Variants in TRHDE observed in about 807,000 individuals in gnomAD.
TRHDE encodes thyrotropin-releasing hormone-degrading ectoenzyme.
Under a neutral mutation model 125.7 loss-of-function variants are expected in TRHDE, and 72 were observed. That is an observed-to-expected ratio of 0.57 (90% CI 0.47 to 0.70). The LOEUF (loss-of-function observed/expected upper bound fraction) is 0.70, where lower values mean the gene tolerates loss of function less well. Among genes scored for constraint, TRHDE ranks in the 30% least tolerant of loss-of-function variants. TRHDE has a pLI of 0.00. For missense variants in TRHDE, 1,110 were observed against 1,327.1 expected (o/e 0.84, Z 2.54); for synonymous variants, 509 against 509.1 (o/e 1.00, Z 0.00).
At chr12:72,542,620 A>G (rs1357234277) in intron 7 of TRHDE, among the ~76,000 whole-genome samples, 1 of 151,360 alleles carries the variant, frequency 6.6e-6, no homozygotes, top group Admixed American at 6.6e-5. Context: ...CCAGATTCTA[A>G]ATGTTCTATA....
intron 2 of TRHDE, among the ~76,000 whole-genome samples, chr12:72,320,199 C>T (rs1020403297): frequency 1.3e-5 from 2 of 152,002 alleles, no homozygotes; most frequent in African/African-American, 4.8e-5. Context: ...CATACATATA[C>T]GTACAGCCAT....
At chr12:72,653,661 T>C (rs1364587929) in intron 17 of TRHDE, among the ~76,000 whole-genome samples, 2 of 152,128 alleles carry the variant, frequency 1.3e-5, no homozygotes, top group African/African-American at 4.8e-5. Context: ...TAAAATTTAC[T>C]CCCAGGACAT....
chr12:72,135,837 G>GC (rs1466887743), intron 2 of TRHDE, among the ~76,000 whole-genome samples: 1 of 151,992 alleles, frequency 6.6e-6, no homozygotes, highest in Non-Finnish European at 1.5e-5. Flanking sequence ...CAGATGTGCT[G>GC]CCCCTGTGGC....
At chr12:72,385,156 G>A (rs1191399055) in intron 3 of TRHDE, among the ~76,000 whole-genome samples, 3 of 151,834 alleles carry the variant, frequency 2.0e-5, no homozygotes, top group Admixed American at 2.0e-4. Flanking sequence ...AATCTCTGAG[G>A]GTTCTTTATA....
At chr12:72,264,026 G>A (rs1879011168) in intron 2 of TRHDE, 1 of 151,838 alleles carries the variant, frequency 6.6e-6, no homozygotes, top group Admixed American at 6.6e-5. Flanking sequence ...CCATAAATGC[G>A]ATTTAAAAAT....
chr12:72,320,746 G>A (rs1199716822), intron 2 of TRHDE, among the ~76,000 whole-genome samples: 1 of 152,158 alleles, frequency 6.6e-6, no homozygotes, highest in Admixed American at 6.5e-5. Context: ...ATATGACAGA[G>A]TATATTAGGT....
At chr12:72,292,747 G>A (rs897066609) in intron 2 of TRHDE, among the ~76,000 whole-genome samples, 1 of 152,142 alleles carries the variant, frequency 6.6e-6, no homozygotes, top group African/African-American at 2.4e-5. Context: ...TCCTAGTCTA[G>A]TCCCAAAGTC....
chr12:72,107,906 G>A (rs1216753836), intron 2 of TRHDE, among the ~76,000 whole-genome samples: 1 of 152,074 alleles, frequency 6.6e-6, no homozygotes. Context: ...TGGTTTAAAG[G>A]ACTGTATACT....
intron 2 of TRHDE, among the ~76,000 whole-genome samples, chr12:72,186,780 T>C (rs998909211): frequency 1.3e-5 from 2 of 151,864 alleles, no homozygotes; most frequent in Non-Finnish European, 2.9e-5. Context: ...TAGACATGGA[T>C]CTTTTTTTTT....
intron 2 of TRHDE, among the ~76,000 whole-genome samples, chr12:72,109,523 A>G (rs1875268119): frequency 6.6e-6 from 1 of 152,150 alleles, no homozygotes; most frequent in Non-Finnish European, 1.5e-5. Flanking sequence ...ACTAACAACT[A>G]GGCTCCTACT....
intron 15 of TRHDE, among the ~76,000 whole-genome samples, chr12:72,629,714 G>A (rs565614303): frequency 9.2e-5 from 14 of 151,660 alleles, no homozygotes; most frequent in South Asian, 6.2e-4. Flanking sequence ...GACAGATTGC[G>A]TATAAAACTC....
At chr12:72,279,752 C>T (rs1879624565) in intron 1 of TRHDE, among the ~76,000 whole-genome samples, 1 of 152,102 alleles carries the variant, frequency 6.6e-6, no homozygotes, top group Non-Finnish European at 1.5e-5. Context: ...CCTTCTTTGC[C>T]TCCAAGCTTC....
intron 2 of TRHDE, among the ~76,000 whole-genome samples, chr12:72,185,349 C>A (rs1252319066): frequency 6.6e-6 from 1 of 152,230 alleles, no homozygotes. Context: ...GGCTCCTGTG[C>A]CGCCCTAGCC....
At chr12:72,100,595 CT>C (rs571011961) in intron 1 of TRHDE, among the ~76,000 whole-genome samples, 60 of 152,334 alleles carry the variant, frequency 3.9e-4, no homozygotes, top group African/African-American at 1.3e-3. Context: ...ATCCCTTCTA[CT>C]TCCTCTGAGG....
At chr12:72,643,780 G>A (rs986629719) in intron 15 of TRHDE, among the ~76,000 whole-genome samples, 45 of 151,974 alleles carry the variant, frequency 3.0e-4, no homozygotes, top group African/African-American at 1.1e-3. Context: ...CTTCAATGCT[G>A]GTGAACAGAA....
At chr12:72,538,005 G>A (rs1314315093) in intron 6 of TRHDE, among the ~76,000 whole-genome samples, 1 of 151,888 alleles carries the variant, frequency 6.6e-6, no homozygotes, top group Non-Finnish European at 1.5e-5. Flanking sequence ...TCTTTCCCAA[G>A]ATTAATCTAA....
At chr12:72,163,162 C>T (rs930855904) in intron 2 of TRHDE, 2 of 152,050 alleles carry the variant, frequency 1.3e-5, no homozygotes, top group African/African-American at 4.8e-5. Context: ...GAAAACATTG[C>T]CTTAGAATGA....
chr12:72,131,281 C>A lies in TRHDE; in HGVS notation n.279+25529C>A, dbSNP rs1370243279. Among the ~76,000 whole-genome samples the A allele has an allele frequency of 7.2e-4, 109 of 151,772 alleles. 1 individual carries two copies. The highest frequency in any genetic ancestry group is 2.9e-5 in the Non-Finnish European group (2 of 67,876). Reference sequence around the variant, plus strand: ...TAGAGACGGGGTTTCACCGTGTTCTCCAGGATGGTCTCCATCTCCTGACCT... The same window carrying A: ...TAGAGACGGGGTTTCACCGTGTTCTACAGGATGGTCTCCATCTCCTGACCT... On this transcript the variant is annotated intron_variant and non_coding_transcript_variant, in intron 2 of 4. Transcript: ENST00000548156.
chr12:72,267,058 T>C (rs1224705072), intron 2 of TRHDE, among the ~76,000 whole-genome samples: 1 of 152,124 alleles, frequency 6.6e-6, no homozygotes, highest in Non-Finnish European at 1.5e-5. Flanking sequence ...TTTAAGTTCA[T>C]GGTAACAATT....
Sources: gnomAD v4.1 joint callset for allele counts (sites outside exome capture counted in the v4.1 genomes callset) on GRCh38, gnomAD v4.1.1 for gene constraint, MANE v1.5 for transcripts, NCBI Gene and HGNC (gene_info 2026-07-23, HGNC 2026-07-21) for gene names.